The following XAGE3 variants were observed in gnomAD, a reference collection of about 807,000 sequenced individuals.
XAGE3 encodes the protein CT12.3.
A neutral mutation model predicts 9.2 loss-of-function variants in XAGE3; 6 were observed. The observed-to-expected ratio is 0.65, with a 90% CI of 0.36 to 1.29. The LOEUF (loss-of-function observed/expected upper bound fraction) is 1.29, where lower values mean the gene tolerates loss of function less well. Among genes scored for constraint, XAGE3 ranks in the 50% most tolerant of loss-of-function variants. The pLI is 0.03. For missense variants in XAGE3, 70 were observed against 82.8 expected (o/e 0.85, Z 0.60); for synonymous variants, 26 against 28.2 (o/e 0.92, Z 0.25).
Position 52,864,891 on chromosome X carries a change from A to G in XAGE3, c.197T>C (p.Leu66Pro), listed in dbSNP as rs781869181. Residue 66 changes from leucine to proline, a missense_variant, in exon 4 of 5, where the codon CTG (leucine) becomes CCG (proline). Leu to Pro is a moderately conservative substitution (Grantham distance 98). Transcript: ENST00000346279. ...QGAAETQVPD[L>P]EADLQELSQS... Reference sequence around the variant, plus strand: ...AGACAGCTCCTGGAGATCAGCTTCCAGGTCAGGCACTAAAAAATACAAAGG... The same window carrying G: ...AGACAGCTCCTGGAGATCAGCTTCCGGGTCAGGCACTAAAAAATACAAAGG... 8.3e-7 allele frequency: 1 copy of G among 1,209,083 alleles called. No homozygotes were observed. Among genetic ancestry groups the G allele is most frequent in the Non-Finnish European group, 1.1e-6 (1 of 894,889 alleles).
At chrX:52,866,267 G>A (rs1222123791) in intron 3 of XAGE3, among the ~76,000 whole-genome samples, 166 bp downstream of exon 3, 1 of 112,109 alleles carries the variant, frequency 8.9e-6, no homozygotes, top group Non-Finnish European at 1.9e-5. Flanking sequence ...TTATATCCAT[G>A]AAGCTGCAAA....
chrX:52,867,724 G>A (rs1927929455), intron 1 of XAGE3, among the ~76,000 whole-genome samples: 1 of 110,799 alleles, frequency 9.0e-6, no homozygotes, highest in Admixed American at 9.6e-5. Context: ...TCCGTCCTCG[G>A]TCGAGGGTTC....
At chrX:52,865,326 T>C (rs1192071953) in intron 3 of XAGE3, among the ~76,000 whole-genome samples, 1 of 111,862 alleles carries the variant, frequency 8.9e-6, no homozygotes, top group African/African-American at 3.2e-5. Flanking sequence ...TTAAACAAAC[T>C]TAGGTCCAAA....
At chrX:52,867,643 C>T (rs1927926439) in intron 1 of XAGE3, among the ~76,000 whole-genome samples, 1 of 110,568 alleles carries the variant, frequency 9.0e-6, no homozygotes, top group Non-Finnish European at 1.9e-5. Flanking sequence ...GTCACCAACC[C>T]GCAGCGTTCC....
At chrX:52,864,930 C>A in intron 3 of XAGE3, 30 bp from the exon 4 acceptor site, 1 of 1,204,654 alleles carries the variant, frequency 8.3e-7, no homozygotes, top group South Asian at 1.8e-5. Context: ...TCGATTGAAG[C>A]AGGCAAACAA....
intron 2 of XAGE3, 91 bp downstream of exon 2, chrX:52,866,962 A>G: frequency 1.1e-6 from 1 of 931,812 alleles, no homozygotes; most frequent in South Asian, 2.0e-5. Flanking sequence ...ATACTGGTTC[A>G]ACAACAATTA....
intron 4 of XAGE3, among the ~76,000 whole-genome samples, chrX:52,863,400 G>A (rs1258901602): frequency 1.5e-4 from 17 of 110,974 alleles, no homozygotes; most frequent in South Asian, 3.7e-4. Flanking sequence ...ATGAATAGTC[G>A]GGCAAAAAAA....
chrX:52,865,117 T>C (rs1927855669), intron 3 of XAGE3, among the ~76,000 whole-genome samples: 1 of 111,845 alleles, frequency 8.9e-6, no homozygotes, highest in African/African-American at 3.2e-5. Context: ...ACATTTCCTA[T>C]ACTTTACCAT....
chrX:52,863,653 C>T (rs201847814), intron 4 of XAGE3, among the ~76,000 whole-genome samples: 21 of 111,736 alleles, frequency 1.9e-4, no homozygotes, highest in Non-Finnish European at 3.6e-4. Context: ...TATTCACTTT[C>T]GATTATACCA....
At chrX:52,865,390 T>C (rs1556784321) in intron 3 of XAGE3, among the ~76,000 whole-genome samples, 1 of 110,944 alleles carries the variant, frequency 9.0e-6, no homozygotes, top group Non-Finnish European at 1.9e-5. Context: ...AAATACCGAA[T>C]ATAACAGCAA....
intron 4 of XAGE3, 102 bp downstream of exon 4, chrX:52,864,673 C>T (rs2146547639): frequency 9.3e-7 from 1 of 1,079,160 alleles, no homozygotes; most frequent in South Asian, 2.0e-5. Context: ...CAAAAAAAGT[C>T]TGCATTTGAA....
At chrX:52,863,678 G>T (rs1283502358) in intron 4 of XAGE3, among the ~76,000 whole-genome samples, 1 of 111,878 alleles carries the variant, frequency 8.9e-6, no homozygotes, top group Non-Finnish European at 1.9e-5. Flanking sequence ...TTCAGTATCT[G>T]TTAGGGTCTT....
At chrX:52,864,959 T>C in intron 3 of XAGE3, 59 bp from the exon 4 acceptor site, 5 of 1,176,625 alleles carry the variant, frequency 4.2e-6, no homozygotes, top group South Asian at 1.9e-5. Flanking sequence ...AAGAAGGAAA[T>C]GATAATATTC....
chrX:52,866,646 A>G (rs1312321743), intron 2 of XAGE3, 108 bp from the exon 3 acceptor site: 4 of 655,613 alleles, frequency 6.1e-6, no homozygotes, highest in South Asian at 3.0e-5. Context: ...ATTTCTGATC[A>G]TAAGTCTAAA....
At chrX:52,864,996 G>T in intron 3 of XAGE3, 96 bp from the exon 4 acceptor site, 1 of 1,047,102 alleles carries the variant, frequency 9.6e-7, no homozygotes, top group Non-Finnish European at 1.3e-6. Context: ...GAAATAAAAG[G>T]CTGCAGGCGA....
chrX:52,867,191 T>C (rs1927912899), intron 1 of XAGE3, 50 bp from the exon 2 acceptor site: 3 of 1,027,427 alleles, frequency 2.9e-6, no homozygotes, highest in Non-Finnish European at 4.0e-6. Context: ...AAGACAGCTA[T>C]ATTTGACCAC....
At chrX:52,863,700 A>C (rs1927816100) in intron 4 of XAGE3, among the ~76,000 whole-genome samples, 1 of 111,828 alleles carries the variant, frequency 8.9e-6, no homozygotes, top group African/African-American at 3.2e-5. Flanking sequence ...TTCATATTCC[A>C]TGTTGAGCTT....
At chrX:52,867,792 C>G (rs1342948552) in intron 1 of XAGE3, among the ~76,000 whole-genome samples, 1 of 111,313 alleles carries the variant, frequency 9.0e-6, no homozygotes, top group Non-Finnish European at 1.9e-5. Flanking sequence ...TCACCTGACC[C>G]CTCTCAACTA....
intron 3 of XAGE3, 147 bp downstream of exon 3, chrX:52,866,286 T>C: frequency 1.7e-6 from 1 of 586,512 alleles, no homozygotes; most frequent in Non-Finnish European, 2.9e-6. Context: ...AACTATACTC[T>C]TCACTTTTCC....
Sources: gnomAD v4.1 joint callset for allele counts (sites outside exome capture counted in the v4.1 genomes callset) on GRCh38, gnomAD v4.1.1 for gene constraint, MANE v1.5 for transcripts, NCBI Gene and HGNC (gene_info 2026-07-23, HGNC 2026-07-21) for gene names.